The following ZNF577 variants were observed in gnomAD, a reference collection of about 807,000 sequenced individuals.
The protein encoded by ZNF577 is zinc finger protein 577.
A neutral mutation model predicts 13.9 loss-of-function variants in ZNF577; 14 were observed. The observed-to-expected ratio is 1.00, with a 90% CI of 0.66 to 1.57. The LOEUF (loss-of-function observed/expected upper bound fraction) is 1.57, where lower values mean the gene tolerates loss of function less well. Ranked by LOEUF, ZNF577 falls within the 40% of genes most tolerant of loss-of-function variation. The probability of loss-of-function intolerance (pLI) is 0.00; values close to 1 mark genes in which losing one functional copy is unlikely to be tolerated. For missense variants in ZNF577, 555 were observed against 579.2 expected, an observed-to-expected ratio of 0.96 and a Z score of 0.43; for synonymous variants, 203 against 202.9, an observed-to-expected ratio of 1.00 and a Z score of 0.00.
chr19:51,810,543 G>A (rs922863543), intron 10 of ZNF577, among the ~76,000 whole-genome samples: 3 of 152,162 alleles, frequency 2.0e-5, no homozygotes, highest in African/African-American at 7.2e-5. Context: ...TGACTTTCCA[G>A]GTCTGAATAA....
At chr19:51,831,414 G>C (rs2122517840) in intron 9 of ZNF577, among the ~76,000 whole-genome samples, 1 of 152,264 alleles carries the variant, frequency 6.6e-6, no homozygotes, top group East Asian at 1.9e-4. Context: ...ACTGCACCCG[G>C]CCTATTGATT....
chr19:51,870,116 G>A lies in ZNF577; in HGVS notation c.*2416C>T, dbSNP rs1285510897. On this transcript the variant is annotated 3_prime_UTR_variant, in exon 6 of 6. Coordinates refer to ENST00000638348, the MANE Select transcript of ZNF577 (RefSeq NM_001370449.1). ...TCATCTGCCCCTTGTTCAGGTGGGG[G>A]GAACCCATCAGTAAATTATAGTTTT... is the stretch of plus-strand genomic sequence containing the variant. Among the ~76,000 whole-genome samples the A allele has an allele frequency of 6.6e-6, 1 of 152,194 alleles. No homozygotes were observed. Among genetic ancestry groups the A allele is most frequent in the Non-Finnish European group, 1.5e-5 (1 of 68,032 alleles).
At position 51,870,224 on chromosome 19, in the gene ZNF577, C is replaced by G. The variant is rs60964674; in HGVS notation, c.*2308G>C. Among the ~76,000 whole-genome samples the G allele has an allele frequency of 0.029, 4,479 of 152,260 alleles. 206 individuals are homozygous for G. Among genetic ancestry groups the G allele is most frequent in the African/African-American group, 0.1 (4,251 of 41,520 alleles). ...TGCTATAAGTGTGCCACTTCTGGGTCTCTACTGAGTTTTCTTCATGTTATG... is the reference window on the plus strand; with the variant it reads ...TGCTATAAGTGTGCCACTTCTGGGTGTCTACTGAGTTTTCTTCATGTTATG... On this transcript the variant is annotated 3_prime_UTR_variant, in exon 6 of 6. Coordinates refer to ENST00000638348, the MANE Select transcript of ZNF577 (RefSeq NM_001370449.1).
Position 51,878,465 on chromosome 19 carries a change from C to T in ZNF577, c.111G>A (p.Trp37Ter). The T allele has an allele frequency of 1.2e-6, 2 of 1,614,088 alleles. No individual in the cohort carries two copies. Among genetic ancestry groups the T allele is most frequent in the South Asian group, 1.1e-5 (1 of 91,078 alleles). The part of the protein sequence containing the change: ...DVAVGFTREE[W>*]QFLDQSQKVL... Reference sequence around the variant, plus strand: ...CCTTCTGAGACTGGTCCAAAAACTGCCACTCCTCCCTGGTGAAGCCCACAG... The same window carrying T: ...CCTTCTGAGACTGGTCCAAAAACTGTCACTCCTCCCTGGTGAAGCCCACAG... The change falls in exon 4 of 6, where the codon TGG becomes TGA. Residue 37 changes from tryptophan (W) to a stop codon, truncating the protein, a stop_gained. Transcript: ENST00000638348. LOFTEE classifies it high-confidence loss of function.
chr19:51,882,618 C>CA (rs1010889247), intron 1 of ZNF577, among the ~76,000 whole-genome samples: 12 of 151,038 alleles, frequency 7.9e-5, no homozygotes, highest in South Asian at 2.1e-4. Flanking sequence ...CTTGTCTCTA[C>CA]AAAAAAAAAT....
chr19:51,875,661 T>A (rs1414479146), intron 5 of ZNF577, among the ~76,000 whole-genome samples: 1 of 152,222 alleles, frequency 6.6e-6, no homozygotes, highest in Non-Finnish European at 1.5e-5. Context: ...TCTCCTCTTT[T>A]GAATCTCTGA....
At chr19:51,875,379 AAAAAAGAG>A (rs1171898873) in intron 5 of ZNF577, among the ~76,000 whole-genome samples, 49 of 151,728 alleles carry the variant, frequency 3.2e-4, no homozygotes, top group African/African-American at 1.2e-3. Flanking sequence ...AAAAAAAAAA[AAAAAAGAG>A]AGAGCTCCAA....
At chr19:51,874,725 T>C (rs191586749) in intron 5 of ZNF577, among the ~76,000 whole-genome samples, 2 of 152,250 alleles carry the variant, frequency 1.3e-5, no homozygotes, top group East Asian at 3.9e-4. Flanking sequence ...CTATGGAGAA[T>C]GAATTGAAAA....
At chr19:51,865,990 A>T (rs1177816173), downstream of ZNF577, among the ~76,000 whole-genome samples, 1 of 151,938 alleles carries the variant, frequency 6.6e-6, no homozygotes, top group East Asian at 1.9e-4. Context: ...TGGCACACGC[A>T]TGTAATCCCA....
intron 5 of ZNF577, among the ~76,000 whole-genome samples, chr19:51,876,463 A>G (rs1434916424): frequency 6.6e-6 from 1 of 152,022 alleles, no homozygotes; most frequent in Non-Finnish European, 1.5e-5. Context: ...TAAAAAAAAA[A>G]AACAGAAGCT....
intron 9 of ZNF577, among the ~76,000 whole-genome samples, chr19:51,822,192 A>C (rs913148856): frequency 2.6e-5 from 4 of 152,202 alleles, no homozygotes; most frequent in African/African-American, 9.7e-5. Context: ...TCTGTTTCTT[A>C]AAAGCAAGGA....
intron 5 of ZNF577, among the ~76,000 whole-genome samples, chr19:51,851,668 T>C (rs537008039): frequency 1.3e-5 from 2 of 151,910 alleles, no homozygotes; most frequent in Non-Finnish European, 2.9e-5. Context: ...TAACACAGAC[T>C]CTTCAACTCC....
In ZNF577 at chr19:51,887,474, A is replaced by C. The variant is rs1451213713; in HGVS notation, c.-872T>G. The stretch of plus-strand genomic sequence containing the variant: ...TGGGTCGCAATGAACCTGAAAACCC[A>C]TTTTCTACAGAATATACAGCAGCAG... On this transcript the variant is annotated 5_prime_UTR_variant, in exon 1 of 6. It removes an upstream start codon present in the reference 5' UTR. Coordinates refer to ENST00000638348, the MANE Select transcript of ZNF577 (RefSeq NM_001370449.1). 1 of 152,142 alleles carries C rather than the reference A, an allele frequency of 6.6e-6. No homozygotes were observed. Among genetic ancestry groups the C allele is most frequent in the East Asian group, 1.9e-4 (1 of 5,194 alleles). 9.4% of individuals were successfully genotyped at this position (152,142 alleles called of 1,614,324 possible). A position where few individuals can be genotyped will look rare whatever the true frequency, so the allele number is the denominator to read the frequency against.
chr19:51,863,207 T>C (rs2084523019), downstream of ZNF577: 1 of 152,180 alleles, frequency 6.6e-6, no homozygotes, highest in Admixed American at 6.5e-5. Flanking sequence ...ATGAGTAGTT[T>C]ACAAGTATTC....
intron 5 of ZNF577, among the ~76,000 whole-genome samples, chr19:51,857,372 AAG>A (rs1300841090): frequency 1.1e-5 from 1 of 88,710 alleles, no homozygotes; most frequent in Non-Finnish European, 2.2e-5. Flanking sequence ...GAAGGAAAGA[AAG>A]AAAGAAAGAA....
At chr19:51,864,459 G>A (rs2084537775), downstream of ZNF577, among the ~76,000 whole-genome samples, 3 of 152,096 alleles carry the variant, frequency 2.0e-5, no homozygotes, top group South Asian at 4.1e-4. Flanking sequence ...AGGGTATTAT[G>A]TGGAGAATAG....
At chr19:51,811,878 T>C (rs1254812143) in intron 9 of ZNF577, among the ~76,000 whole-genome samples, 3 of 152,186 alleles carry the variant, frequency 2.0e-5, no homozygotes, top group Non-Finnish European at 4.4e-5. Flanking sequence ...TGCTGTTTGA[T>C]CATATAGCCT....
chr19:51,843,522 T>C (rs189024799), intron 6 of ZNF577, among the ~76,000 whole-genome samples: 109 of 152,354 alleles, frequency 7.2e-4, no homozygotes, highest in African/African-American at 2.5e-3. Flanking sequence ...GTTTACTCTT[T>C]CATTCATTTG....
At chr19:51,864,780 C>T (rs1287653936), downstream of ZNF577, among the ~76,000 whole-genome samples, 5 of 152,142 alleles carry the variant, frequency 3.3e-5, no homozygotes, top group Non-Finnish European at 7.3e-5. Flanking sequence ...ATATAAATAG[C>T]ATTGTTAAGT....
Sources: gnomAD v4.1 joint callset for allele counts (sites outside exome capture counted in the v4.1 genomes callset) on GRCh38, gnomAD v4.1.1 for gene constraint, MANE v1.5 for transcripts, NCBI Gene and HGNC (gene_info 2026-07-23, HGNC 2026-07-21) for gene names.